FOXK1: variants seen among roughly 807,000 people sequenced by gnomAD.
FOXK1 encodes forkhead box protein K1.
In FOXK1, 19 loss-of-function variants were observed where a neutral mutation model predicts 51.9. That is an observed-to-expected ratio of 0.37 (90% CI 0.26 to 0.54). The LOEUF is 0.54. FOXK1 is among the 20% of genes least tolerant of loss of function. The pLI is 0.87. For synonymous variants in FOXK1, 537 were observed against 482.6 expected (o/e 1.11, Z -1.48); for missense variants, 870 against 1,032.7 (o/e 0.84, Z 2.16).
At chr7:4,727,094 C>T (rs572796551) in intron 1 of FOXK1, among the ~76,000 whole-genome samples, 3 of 152,138 alleles carry the variant, frequency 2.0e-5, no homozygotes, top group South Asian at 2.1e-4. Context: ...TACAGGCATG[C>T]ACCACTATGC....
In FOXK1 at chr7:4,722,772, C is replaced by T. The variant is rs1780331176; in HGVS notation, c.561-18066C>T. Among the ~76,000 whole-genome samples, 3 of 152,292 alleles carry T rather than the reference C, an allele frequency of 2.0e-5. No homozygotes were observed. Among genetic ancestry groups the T allele is most frequent in the Middle Eastern group, 3.4e-3 (1 of 294 alleles). On this transcript the variant is annotated intron_variant, in intron 1 of 8. Coordinates refer to ENST00000328914, the MANE Select transcript of FOXK1 (RefSeq NM_001037165.2). This position sits in a 1 kb window ranked among gnomAD's most constrained non-coding sequence, Gnocchi z 5.1. ...CATGGCTTTTGGCTTTGGGGGATTCCGTTCCTTTGCTGCTGCCTTGGCCAC... is the reference window on the plus strand; with the variant it reads ...CATGGCTTTTGGCTTTGGGGGATTCTGTTCCTTTGCTGCTGCCTTGGCCAC...
Position 4,762,085 on chromosome 7 carries a change from G to A in FOXK1, c.1922-99G>A, listed in dbSNP as rs1396584927. On this transcript the variant is annotated intron_variant, in intron 8 of 8. Transcript: ENST00000328914. This position sits in a 1 kb window ranked among gnomAD's most constrained non-coding sequence, Gnocchi z 5.7. ...GCCTGGCAGGGGTGCACTGACCTCC[G>A]GTTCCGGCTTGGTGGCTTAGCCCCT... 11 of 1,399,724 alleles carry A rather than the reference G, an allele frequency of 7.9e-6. No homozygotes were observed. The highest frequency in any genetic ancestry group is 1.4e-5 in the African/African-American group (1 of 69,368). 86.7% of individuals were successfully genotyped at this position (1,399,724 alleles called of 1,614,324 possible).
At position 4,750,638 on chromosome 7, in the gene FOXK1, C is replaced by G. The variant is rs550211420; in HGVS notation, c.747-3821C>G. Among the ~76,000 whole-genome samples the G allele has an allele frequency of 2.6e-5, 4 of 151,972 alleles. No homozygotes were observed. The East Asian group carries it at 7.8e-4, about 29-fold the overall frequency. ...TGTTTTCTGTATTTTTTAGTAGAGA[C>G]AGGATTTCACCGTGTTAGCCAGGAT... On this transcript the variant is annotated intron_variant, in intron 2 of 8. Transcript: ENST00000328914.
chr7:4,747,919 C>A lies in FOXK1; in HGVS notation c.747-6540C>A, dbSNP rs191463239. On this transcript the variant is annotated intron_variant, in intron 2 of 8. Coordinates refer to ENST00000328914, the MANE Select transcript of FOXK1 (RefSeq NM_001037165.2). This position sits in a 1 kb window ranked among gnomAD's most constrained non-coding sequence, Gnocchi z 9.2. ...GGAGTGCAGTGGTCCGGTCACGGCT[C>A]GCTGCAGCCTCGACCTCCGGGACTC... Among the ~76,000 whole-genome samples the A allele has an allele frequency of 8.6e-4, 131 of 152,236 alleles. No homozygotes were observed. The highest frequency in any genetic ancestry group is 3.0e-3 in the African/African-American group (125 of 41,522).
rs914169983 is a variant in FOXK1, at chr7:4,745,864, G to A, written c.746+4841G>A. 2.7e-5 allele frequency among the ~76,000 whole-genome samples: 4 copies of A among 150,608 alleles called. No individual in the cohort carries two copies. The highest frequency in any genetic ancestry group is 4.3e-4 in the South Asian group (2 of 4,678). Reference sequence around the variant, plus strand: ...AAGATTGCACCACTCCAGACTGGGCGGCAGAGCGAGACTCCATCTCAAAAA... The same window carrying A: ...AAGATTGCACCACTCCAGACTGGGCAGCAGAGCGAGACTCCATCTCAAAAA... On this transcript the variant is annotated intron_variant, in intron 2 of 8. Transcript: ENST00000328914. This position sits in a 1 kb window ranked among gnomAD's most constrained non-coding sequence, Gnocchi z 4.3.
In FOXK1 at chr7:4,715,890, C is replaced by T. The variant is rs1483092152; in HGVS notation, c.561-24948C>T. Among the ~76,000 whole-genome samples the T allele has an allele frequency of 2.6e-5, 4 of 152,234 alleles. No individual in the cohort carries two copies. The highest frequency in any genetic ancestry group is 9.6e-5 in the African/African-American group (4 of 41,458). On this transcript the variant is annotated intron_variant, in intron 1 of 8. Transcript: ENST00000328914. This position sits in a 1 kb window ranked among gnomAD's most constrained non-coding sequence, Gnocchi z 4.5. ...TGGTCACAGGATGGCCGTTGCTGAA[C>T]TTCAACATTGGCCACCAATATCTGC...
rs773342241 is a variant in FOXK1 at position 4,761,145 on chromosome 7, C to A, written c.1778C>A (p.Ala593Asp). The change falls in exon 8 of 9, where the codon GCC becomes GAC. Residue 593 changes from alanine to aspartate, a missense_variant. Ala to Asp is a moderately radical substitution (Grantham distance 126, BLOSUM62 -2). This residue lies in a region of FOXK1 where 457 missense variants were observed against 510.8 expected (regional missense o/e 0.89). Transcript: ENST00000328914. This position sits in a 1 kb window ranked among gnomAD's most constrained non-coding sequence, Gnocchi z 6.2. ...ATCCAGACGGTGGCCAGCCAGATGG[C>A]CCCCGGGGTCCCCGGACACACGGTC... ...GVIQTVASQM[A>D]PGVPGHTVTI... is the part of the protein sequence containing the mutation. 8 of 1,612,616 alleles carry A rather than the reference C, an allele frequency of 5.0e-6. No individual in the cohort carries two copies. The highest frequency in any genetic ancestry group is 5.1e-6 in the Non-Finnish European group (6 of 1,179,998).
Position 4,730,895 on chromosome 7 carries a change from G to T in FOXK1, c.561-9943G>T, listed in dbSNP as rs1196036927. On this transcript the variant is annotated intron_variant, in intron 1 of 8. Transcript: ENST00000328914. The surrounding 1 kb of genome is among the most constrained non-coding windows in gnomAD (Gnocchi z 4.7). ...AAAACCATTTCCTGAGGATGGGCGC[G>T]GTGGCTCACTCCTGCAATCCCAGCA... Among the ~76,000 whole-genome samples the T allele has an allele frequency of 2.6e-5, 4 of 152,152 alleles. No homozygotes were observed. Among genetic ancestry groups the T allele is most frequent in the Admixed American group, 6.6e-5 (1 of 15,262 alleles).
In FOXK1 at chr7:4,733,418, T is replaced by C. The variant is rs940536011; in HGVS notation, c.561-7420T>C. ...GTTGCTCCGTTATGCAGTGTGCCTT[T>C]ATGGTCCACTGTGGCTGCTCGGCTC... On this transcript the variant is annotated intron_variant, in intron 1 of 8. Coordinates refer to ENST00000328914, the MANE Select transcript of FOXK1 (RefSeq NM_001037165.2). The surrounding 1 kb of genome is among the most constrained non-coding windows in gnomAD (Gnocchi z 5.0). Among the ~76,000 whole-genome samples the C allele has an allele frequency of 1.3e-5, 2 of 152,226 alleles. No individual in the cohort carries two copies. The highest frequency in any genetic ancestry group is 2.9e-5 in the Non-Finnish European group (2 of 68,032).
At position 4,734,866 on chromosome 7, in the gene FOXK1, G is replaced by A. The variant is rs1005284809; in HGVS notation, c.561-5972G>A. On this transcript the variant is annotated intron_variant, in intron 1 of 8. Coordinates refer to ENST00000328914, the MANE Select transcript of FOXK1 (RefSeq NM_001037165.2). This position sits in a 1 kb window ranked among gnomAD's most constrained non-coding sequence, Gnocchi z 5.2. ...AACCCGTCCTTCCGCTGGGAGAGACGGGGCGAGGGGACAGCGGTGGACAGG... is the reference window on the plus strand; with the variant it reads ...AACCCGTCCTTCCGCTGGGAGAGACAGGGCGAGGGGACAGCGGTGGACAGG... 1.3e-5 allele frequency among the ~76,000 whole-genome samples: 2 copies of A among 152,298 alleles called. No homozygotes were observed. Among genetic ancestry groups the A allele is most frequent in the African/African-American group, 4.8e-5 (2 of 41,552 alleles).
At chr7:4,688,266 TA>T (rs34515938) in intron 1 of FOXK1, among the ~76,000 whole-genome samples, 47,488 of 135,520 alleles carry the variant, frequency 0.35, 8,075 homozygotes, top group African/African-American at 0.46. Flanking sequence ...TAAGAATTCT[TA>T]AAAAAAAAAA....
At chr7:4,718,750 A>T (rs73303383) in intron 1 of FOXK1, among the ~76,000 whole-genome samples, 6,877 of 152,236 alleles carry the variant, frequency 0.045, 503 homozygotes, top group African/African-American at 0.15. Flanking sequence ...CTGCAGCCTC[A>T]CCAGCATTTG....
intron 2 of FOXK1, among the ~76,000 whole-genome samples, chr7:4,752,702 G>A (rs746115079): frequency 6.6e-6 from 1 of 152,236 alleles, no homozygotes; most frequent in Non-Finnish European, 1.5e-5. Context: ...TCCCCAGCAA[G>A]GACTGACATT....
At chr7:4,708,401 C>T (rs1583188730) in intron 1 of FOXK1, among the ~76,000 whole-genome samples, 1 of 152,080 alleles carries the variant, frequency 6.6e-6, no homozygotes, top group Non-Finnish European at 1.5e-5. Context: ...GAAGCTCACC[C>T]GAAGGTAAAT....
intron 1 of FOXK1, among the ~76,000 whole-genome samples, chr7:4,713,504 T>C (rs941134554): frequency 6.6e-6 from 1 of 152,120 alleles, no homozygotes; most frequent in Non-Finnish European, 1.5e-5. Flanking sequence ...TTTTTTGTTT[T>C]TTTTTTGAGG....
At chr7:4,736,369 A>C (rs1015786044) in intron 1 of FOXK1, among the ~76,000 whole-genome samples, 4 of 151,870 alleles carry the variant, frequency 2.6e-5, no homozygotes, top group Non-Finnish European at 4.4e-5. Flanking sequence ...GTTTTGTTTT[A>C]GTGAAAACTC....
chr7:4,750,998 C>T (rs564235104), intron 2 of FOXK1, among the ~76,000 whole-genome samples: 1 of 150,834 alleles, frequency 6.6e-6, no homozygotes, highest in South Asian at 2.1e-4. Context: ...AGCCACCGTG[C>T]CTGGCCTTCA....
At chr7:4,737,569 T>TGTGTGTGTGTGC (rs879705379) in intron 1 of FOXK1, among the ~76,000 whole-genome samples, 5 of 152,098 alleles carry the variant, frequency 3.3e-5, no homozygotes, top group South Asian at 2.1e-4. Context: ...TGTGTGTGTG[T>TGTGTGTGTGTGC]GTGTGCATGC....
chr7:4,686,456 C>G (rs367910325), intron 1 of FOXK1, among the ~76,000 whole-genome samples: 13 of 152,142 alleles, frequency 8.5e-5, no homozygotes, highest in African/African-American at 2.9e-4. Flanking sequence ...ACTTGTGACC[C>G]AGCTTAGAGC....
Sources: gnomAD v4.1 joint callset for allele counts (sites outside exome capture counted in the v4.1 genomes callset) on GRCh38, gnomAD v4.1.1 for gene constraint, gnomAD v4.1.1 regional missense constraint, Gnocchi (gnomAD v3.1) non-coding constraint, MANE v1.5 for transcripts, NCBI Gene and HGNC (gene_info 2026-07-23, HGNC 2026-07-21) for gene names.